The following CNST variants were observed in gnomAD, a reference collection of about 807,000 sequenced individuals.
CNST encodes the protein consortin.
A neutral mutation model predicts 72.4 loss-of-function variants in CNST; 39 were observed. That is an observed-to-expected ratio of 0.54 (90% CI 0.42 to 0.70). CNST has a LOEUF of 0.70. Among genes scored for constraint, CNST ranks in the 30% least tolerant of loss-of-function variants. The pLI is 0.00. For synonymous variants in CNST, 332 were observed against 320.1 expected (o/e 1.04, Z -0.40); for missense variants, 871 against 868.5 (o/e 1.00, Z -0.04).
intron 9 of CNST, chr1:246,648,350 A>G (rs905014436): frequency 4.5e-6 from 2 of 443,150 alleles, no homozygotes; most frequent in Non-Finnish European, 6.3e-6. Flanking sequence ...AATCAAAACC[A>G]GAATAGTCAC....
At chr1:246,595,584 A>T (rs1661822102) in intron 2 of CNST, among the ~76,000 whole-genome samples, 1 of 152,190 alleles carries the variant, frequency 6.6e-6, no homozygotes, top group Admixed American at 6.5e-5. Context: ...CTCCTAAGTA[A>T]ATAAAGTTTC....
rs1667414584 is a variant in CNST at position 246,666,958 on chromosome 1, C to G, written c.*1053C>G. 6.6e-6 allele frequency: 1 copy of G among 152,082 alleles called. No homozygotes were observed. 9.4% of individuals were successfully genotyped at this position (152,082 alleles called of 1,614,324 possible). On this transcript the variant is annotated 3_prime_UTR_variant, in exon 11 of 11. Coordinates refer to ENST00000366513, the MANE Select transcript of CNST (RefSeq NM_152609.3). ...CTTGAATGTGCATTCTTGTTGTGGGCTTGATTTAGATCCTATTGCGGGGTC... is the reference window on the plus strand; with the variant it reads ...CTTGAATGTGCATTCTTGTTGTGGGGTTGATTTAGATCCTATTGCGGGGTC...
chr1:246,634,574 G>C lies in CNST; in HGVS notation c.805G>C (p.Ala269Pro). 6.3e-7 allele frequency: 1 copy of C among 1,590,358 alleles called. No homozygotes were observed. The highest frequency in any genetic ancestry group is 1.1e-5 in the South Asian group (1 of 88,394). ...EDFERLTKICATHQDPLLSKH... is the reference protein window; with the variant it reads ...EDFERLTKICPTHQDPLLSKH... The stretch of plus-strand genomic sequence containing the variant: ...TTTTGAACGGCTTACGAAAATTTGT[G>C]CAACACATCAAGAGTAAGTATATCA... The change falls in exon 6 of 11, where the codon GCA (alanine) becomes CCA (proline). Residue 269 changes from alanine to proline, a missense_variant. Physicochemically the swap from Ala to Pro is conservative, Grantham distance 27. Transcript: ENST00000366513.
chr1:246,569,676 A>G (rs1659946837), intron 1 of CNST, among the ~76,000 whole-genome samples: 1 of 152,160 alleles, frequency 6.6e-6, no homozygotes, highest in African/African-American at 2.4e-5. Flanking sequence ...CAAATGATCC[A>G]CCTCAACCTC....
At chr1:246,571,485 T>G (rs147921624) in intron 1 of CNST, among the ~76,000 whole-genome samples, 72 of 152,262 alleles carry the variant, frequency 4.7e-4, no homozygotes, top group African/African-American at 1.7e-3. Flanking sequence ...ATCCTGCTCT[T>G]TAACATTTTG....
intron 1 of CNST, among the ~76,000 whole-genome samples, chr1:246,584,586 T>G (rs1661014769): frequency 6.6e-6 from 1 of 152,102 alleles, no homozygotes; most frequent in South Asian, 2.1e-4. Flanking sequence ...TTAGCCAGAT[T>G]GTGGATGATC....
intron 5 of CNST, 45 bp downstream of exon 5, chr1:246,634,055 C>A: frequency 8.6e-7 from 1 of 1,168,090 alleles, no homozygotes; most frequent in South Asian, 1.3e-5. Context: ...AGTAATCCAA[C>A]AAGTCACTAT....
chr1:246,644,172 G>C (rs549859269), intron 8 of CNST, among the ~76,000 whole-genome samples: 49 of 152,134 alleles, frequency 3.2e-4, no homozygotes, highest in Non-Finnish European at 5.4e-4. Flanking sequence ...AGGCCGAGGC[G>C]GGCGGTTCAC....
chr1:246,635,764 C>T (rs1175387360), intron 6 of CNST, among the ~76,000 whole-genome samples: 2 of 152,130 alleles, frequency 1.3e-5, no homozygotes, highest in African/African-American at 4.8e-5. Flanking sequence ...GTGCGATAAC[C>T]CCGTGAACCA....
rs762655117 is a variant in CNST, at chr1:246,645,423, A to ATTTT, written c.938-1716_938-1715insTTTT. ...AACATATTAGTATAAAAAGGTTAAA[A>ATTTT]CTTTTTTTTTTTTTTTTTTTTTGAG... On this transcript the variant is annotated intron_variant, in intron 8 of 10. Coordinates refer to ENST00000366513, the MANE Select transcript of CNST (RefSeq NM_152609.3). Among the ~76,000 whole-genome samples, 105 of 106,056 alleles carry ATTTT rather than the reference A, an allele frequency of 9.9e-4. 1 individual carries two copies. Among genetic ancestry groups the ATTTT allele is most frequent in the African/African-American group, 3.6e-3 (104 of 28,688 alleles). 69.6% of individuals were successfully genotyped at this position (106,056 alleles called of 152,430 possible). A position where few individuals can be genotyped will look rare whatever the true frequency, so the allele number is the denominator to read the frequency against.
At chr1:246,585,418 G>C (rs866382448) in intron 1 of CNST, among the ~76,000 whole-genome samples, 1 of 151,834 alleles carries the variant, frequency 6.6e-6, no homozygotes, top group Admixed American at 6.6e-5. Context: ...AGGCCGAGGC[G>C]GGCAAATCAC....
At chr1:246,619,180 A>C (rs961366747) in intron 2 of CNST, among the ~76,000 whole-genome samples, 2 of 151,572 alleles carry the variant, frequency 1.3e-5, no homozygotes, top group African/African-American at 4.9e-5. Context: ...TAATTCTCTT[A>C]GTTTCTTTGT....
At chr1:246,607,412 T>C (rs1338604995) in intron 2 of CNST, 2 of 152,300 alleles carry the variant, frequency 1.3e-5, no homozygotes, top group South Asian at 2.1e-4. Flanking sequence ...CGTCTGCTTA[T>C]GGTTTTTGTA....
intron 2 of CNST, chr1:246,607,579 C>G (rs1293778130): frequency 6.5e-6 from 1 of 153,636 alleles, no homozygotes; most frequent in Admixed American, 6.5e-5. Flanking sequence ...ACGTGAGGAC[C>G]GGGCAGGGGT....
chr1:246,618,027 G>A (rs995772718), intron 2 of CNST, among the ~76,000 whole-genome samples: 3 of 152,284 alleles, frequency 2.0e-5, no homozygotes, highest in East Asian at 1.9e-4. Context: ...CACTATTTGT[G>A]TAGTCACCAG....
intron 1 of CNST, 137 bp downstream of exon 1, chr1:246,566,800 G>T: frequency 2.5e-6 from 1 of 397,856 alleles, no homozygotes; most frequent in East Asian, 3.6e-5. Flanking sequence ...GTGAGGTGTA[G>T]CCCGGTCCCC....
At chr1:246,616,121 A>G (rs1663673404) in intron 2 of CNST, among the ~76,000 whole-genome samples, 1 of 152,194 alleles carries the variant, frequency 6.6e-6, no homozygotes, top group Non-Finnish European at 1.5e-5. Context: ...GTCTAGCTAT[A>G]TGGATTCATA....
intron 2 of CNST, among the ~76,000 whole-genome samples, chr1:246,595,247 G>A (rs2103030727): frequency 6.6e-6 from 1 of 152,282 alleles, no homozygotes; most frequent in East Asian, 1.9e-4. Context: ...AGAATGGGAA[G>A]AAGCTTTAGT....
chr1:246,641,733 T>C lies in CNST; in HGVS notation c.819-16T>C, dbSNP rs1665701558. On this transcript the variant is annotated splice_polypyrimidine_tract_variant and intron_variant, in intron 6 of 10. Transcript: ENST00000366513. ...TAATTTTTTTAAAATTCTTTTTTCT[T>C]TCTTTTTTCCTACAGTCCTCTTTTA... 7.7e-7 allele frequency: 1 copy of C among 1,295,616 alleles called. No individual in the cohort carries two copies. The highest frequency in any genetic ancestry group is 1.5e-5 in the African/African-American group (1 of 67,438). 80.3% of individuals were successfully genotyped at this position (1,295,616 alleles called of 1,614,324 possible).
Sources: gnomAD v4.1 joint callset for allele counts (sites outside exome capture counted in the v4.1 genomes callset) on GRCh38, gnomAD v4.1.1 for gene constraint, MANE v1.5 for transcripts, NCBI Gene and HGNC (gene_info 2026-07-23, HGNC 2026-07-21) for gene names.